Variants in IL1RAPL2 observed in about 807,000 individuals in gnomAD.
IL1RAPL2 encodes interleukin 1 receptor accessory protein like 2, also known as X-linked interleukin-1 receptor accessory protein-like 2.
A neutral mutation model predicts 44.1 loss-of-function variants in IL1RAPL2; 3 were observed. The ratio of observed to expected loss-of-function variants is 0.07; its 90% CI spans 0.03 to 0.18. The LOEUF (loss-of-function observed/expected upper bound fraction) is 0.18. Among genes scored for constraint, IL1RAPL2 ranks in the 10% least tolerant of loss-of-function variants. The pLI is 1.00. For synonymous variants in IL1RAPL2, 181 were observed against 178.8 expected, an observed-to-expected ratio of 1.01 and a Z score of -0.10; for missense variants, 391 against 496.4, an observed-to-expected ratio of 0.79 and a Z score of 2.02.
At chrX:105,076,673 G>A (rs1347788040) in intron 2 of IL1RAPL2, among the ~76,000 whole-genome samples, 10 of 110,910 alleles carry the variant, frequency 9.0e-5, no homozygotes, top group East Asian at 2.8e-4. Context: ...ATTGTGTGGT[G>A]GTCTAAGTCT....
chrX:105,173,167 G>T (rs2033439924), intron 2 of IL1RAPL2, among the ~76,000 whole-genome samples: 1 of 110,837 alleles, frequency 9.0e-6, no homozygotes, highest in African/African-American at 3.3e-5. Context: ...CTCCCCACCT[G>T]GCCACCTACA....
At chrX:104,814,834 T>A (rs766391192) in intron 2 of IL1RAPL2, among the ~76,000 whole-genome samples, 15 of 111,834 alleles carry the variant, frequency 1.3e-4, no homozygotes, top group Non-Finnish European at 2.4e-4. Flanking sequence ...TCTTAATGAG[T>A]TCTTTTTGGT....
intron 4 of IL1RAPL2, among the ~76,000 whole-genome samples, chrX:105,242,109 T>C (rs1437919490): frequency 1.8e-5 from 2 of 111,872 alleles, no homozygotes; most frequent in African/African-American, 3.2e-5. Context: ...AGGGGCATGG[T>C]TAACTCCATG....
chrX:105,105,187 G>A lies in IL1RAPL2; in HGVS notation c.83-90288G>A, dbSNP rs73638478. 7.6e-3 allele frequency among the ~76,000 whole-genome samples: 848 copies of A among 111,747 alleles called. 9 individuals are homozygous for A. Among genetic ancestry groups the A allele is most frequent in the African/African-American group, 0.026 (812 of 30,800 alleles). On this transcript the variant is annotated intron_variant, in intron 2 of 10. Coordinates refer to ENST00000372582, the MANE Select transcript of IL1RAPL2 (RefSeq NM_017416.2). ...GGCTTTGGAATGGATCTGGATTTGG[G>A]AATCAGCATCTTATTAAGATATAAC... is the stretch of plus-strand genomic sequence containing the variant.
intron 6 of IL1RAPL2, among the ~76,000 whole-genome samples, chrX:105,631,963 C>T (rs1434304415): frequency 9.0e-6 from 1 of 110,852 alleles, no homozygotes; most frequent in African/African-American, 3.3e-5. Context: ...CTCCCTCACC[C>T]CCTCCTCTTT....
intron 2 of IL1RAPL2, among the ~76,000 whole-genome samples, chrX:104,977,805 C>T (rs961928826): frequency 1.8e-5 from 2 of 112,192 alleles, no homozygotes; most frequent in African/African-American, 6.5e-5. Flanking sequence ...AGTAGTAGCT[C>T]AGGGGCAGTT....
chrX:104,905,331 G>T (rs1328807465), intron 2 of IL1RAPL2, among the ~76,000 whole-genome samples: 1 of 111,242 alleles, frequency 9.0e-6, no homozygotes, highest in Non-Finnish European at 1.9e-5. Context: ...GTCAATTTTG[G>T]CTTTTGTTGT....
chrX:105,369,271 C>A (rs1233868583), intron 5 of IL1RAPL2, among the ~76,000 whole-genome samples: 1 of 111,224 alleles, frequency 9.0e-6, no homozygotes, highest in Non-Finnish European at 1.9e-5. Context: ...ATTCTCCTCT[C>A]TCAGTCTTAT....
intron 6 of IL1RAPL2, among the ~76,000 whole-genome samples, chrX:105,599,647 C>T (rs928106736): frequency 9.0e-6 from 1 of 111,143 alleles, no homozygotes; most frequent in African/African-American, 3.3e-5. Flanking sequence ...TGCAGAACTC[C>T]ACAAAGCAGA....
chrX:105,345,532 G>A (rs775875158), intron 5 of IL1RAPL2, among the ~76,000 whole-genome samples: 1 of 110,240 alleles, frequency 9.1e-6, no homozygotes, highest in Non-Finnish European at 1.9e-5. Context: ...AAGAAAAGAA[G>A]TAAATATTCA....
chrX:104,938,320 C>A (rs762219273), intron 2 of IL1RAPL2, among the ~76,000 whole-genome samples: 5 of 111,800 alleles, frequency 4.5e-5, no homozygotes, highest in Non-Finnish European at 9.4e-5. Context: ...TGTCCAATAT[C>A]AATATGGTGC....
At chrX:105,213,355 A>G (rs782111068) in intron 3 of IL1RAPL2, among the ~76,000 whole-genome samples, 65 of 108,372 alleles carry the variant, frequency 6.0e-4, no homozygotes, top group African/African-American at 2.1e-3. Context: ...AGCCAAACTG[A>G]TCAAGCAGAA....
At chrX:105,318,035 C>T (rs1172102429) in intron 5 of IL1RAPL2, among the ~76,000 whole-genome samples, 1 of 107,250 alleles carries the variant, frequency 9.3e-6, no homozygotes, top group Non-Finnish European at 1.9e-5. Flanking sequence ...TGCAGTGGCG[C>T]GATCTCGGCT....
At chrX:105,550,278 T>TCCAGGATCATGTCCA (rs1351323246) in intron 6 of IL1RAPL2, among the ~76,000 whole-genome samples, 1 of 112,076 alleles carries the variant, frequency 8.9e-6, no homozygotes, top group African/African-American at 3.2e-5. Context: ...ATGTTCTGTA[T>TCCAGGATCATGTCCA]TGTCACCTGG....
chrX:104,621,835 T>C (rs1929407552), intron 1 of IL1RAPL2, among the ~76,000 whole-genome samples: 1 of 111,848 alleles, frequency 8.9e-6, no homozygotes, highest in African/African-American at 3.2e-5. Flanking sequence ...CTCAGTAGCT[T>C]TCTCATATGC....
At position 105,276,277 on chromosome X, in the gene IL1RAPL2, G is replaced by A. The variant is rs1469944197; in HGVS notation, c.697+8736G>A. On this transcript the variant is annotated intron_variant, in intron 5 of 10. Transcript: ENST00000372582. ...TATAAAATTAGCCAGGCGTGGTGGC[G>A]AATGCCTGTGGTCCCAGCTACTTGG... 4.5e-5 allele frequency among the ~76,000 whole-genome samples: 5 copies of A among 111,841 alleles called. No individual in the cohort carries two copies. In the Admixed American group the frequency reaches 4.7e-4, roughly 11 times the overall value.
intron 2 of IL1RAPL2, among the ~76,000 whole-genome samples, chrX:105,010,555 CAA>C (rs1435328145): frequency 9.0e-6 from 1 of 111,404 alleles, no homozygotes; most frequent in Non-Finnish European, 1.9e-5. Flanking sequence ...CATTCCAGAG[CAA>C]AGTTTCTTTA....
At chrX:105,314,644 G>A (rs1306608200) in intron 5 of IL1RAPL2, among the ~76,000 whole-genome samples, 1 of 111,768 alleles carries the variant, frequency 8.9e-6, no homozygotes, top group Non-Finnish European at 1.9e-5. Flanking sequence ...GTGGAAATGG[G>A]TGAAAAGGAA....
At chrX:104,615,651 A>G (rs142537631) in intron 1 of IL1RAPL2, among the ~76,000 whole-genome samples, 1 of 111,473 alleles carries the variant, frequency 9.0e-6, no homozygotes, top group Non-Finnish European at 1.9e-5. Context: ...GGTTGATTCC[A>G]TGTATTTGCT....
Sources: gnomAD v4.1 joint callset for allele counts (sites outside exome capture counted in the v4.1 genomes callset) on GRCh38, gnomAD v4.1.1 for gene constraint, MANE v1.5 for transcripts, NCBI Gene and HGNC (gene_info 2026-07-23, HGNC 2026-07-21) for gene names.